The following NEK5 variants were observed in gnomAD, a reference collection of about 807,000 sequenced individuals.
NEK5 encodes serine/threonine-protein kinase Nek5.
A neutral mutation model predicts 109.2 loss-of-function variants in NEK5; 88 were observed. The ratio of observed to expected loss-of-function variants is 0.81; its 90% CI spans 0.68 to 0.96. The LOEUF (loss-of-function observed/expected upper bound fraction) is 0.96. NEK5 is among the 40% of genes least tolerant of loss of function. The probability of loss-of-function intolerance (pLI) is 0.00; values close to 1 mark genes in which losing one functional copy is unlikely to be tolerated. For synonymous variants in NEK5, 283 were observed against 299.9 expected (o/e 0.94, Z 0.58); for missense variants, 834 against 920.7 (o/e 0.91, Z 1.22).
At chr13:52,127,934 G>A (rs1041067287) in intron 1 of NEK5, among the ~76,000 whole-genome samples, 2 of 152,110 alleles carry the variant, frequency 1.3e-5, no homozygotes, top group Non-Finnish European at 1.5e-5. Context: ...CCCCCTAGGG[G>A]GAATTCTGGA....
chr13:52,048,226 T>C (rs1378798049), intron 23 of NEK5, among the ~76,000 whole-genome samples: 1 of 152,202 alleles, frequency 6.6e-6, no homozygotes, highest in Non-Finnish European at 1.5e-5. Flanking sequence ...TCATATGTAT[T>C]GAAACATCAC....
At position 52,063,414 on chromosome 13, in the gene NEK5, G is replaced by C. The variant is rs983830333; in HGVS notation, c.1976-1461C>G. Reference sequence around the variant, plus strand: ...GGCTGGAGTGCAGTGGCGTGATCGCGGCTCGCTACAACCTCCACCTCCCAG... The same window carrying C: ...GGCTGGAGTGCAGTGGCGTGATCGCCGCTCGCTACAACCTCCACCTCCCAG... On this transcript the variant is annotated intron_variant, in intron 21 of 23. Transcript: ENST00000684899. Among the ~76,000 whole-genome samples, 9 of 152,160 alleles carry C rather than the reference G, an allele frequency of 5.9e-5. No individual in the cohort carries two copies. In the South Asian group the frequency reaches 1.0e-3, roughly 18 times the overall value.
chr13:52,095,402 A>T (rs1955385798), intron 12 of NEK5, among the ~76,000 whole-genome samples: 1 of 152,236 alleles, frequency 6.6e-6, no homozygotes, highest in East Asian at 1.9e-4. Flanking sequence ...TAACATCCCA[A>T]CAGTAATAGG....
chr13:52,054,680 C>G (rs1311284188), intron 22 of NEK5, among the ~76,000 whole-genome samples: 1 of 152,026 alleles, frequency 6.6e-6, no homozygotes, highest in Non-Finnish European at 1.5e-5. Flanking sequence ...CACCCCCCAG[C>G]AGGGGCAGAC....
At chr13:52,091,993 G>A (rs1285177509) in intron 13 of NEK5, among the ~76,000 whole-genome samples, 1 of 152,052 alleles carries the variant, frequency 6.6e-6, no homozygotes, top group Non-Finnish European at 1.5e-5. Context: ...TAACCTCTTT[G>A]AGAAATGAAA....
rs151195749 is a variant in NEK5 at position 52,087,417 on chromosome 13, T to C, written c.1313A>G (p.Gln438Arg). 1.7e-5 allele frequency: 28 copies of C among 1,611,318 alleles called. No homozygotes were observed. Among genetic ancestry groups the C allele is most frequent in the Non-Finnish European group, 2.1e-5 (25 of 1,178,022 alleles). The change falls in exon 15 of 24, where the codon CAG becomes CGG. Residue 438 changes from glutamine to arginine, a missense_variant. Gln to Arg is a conservative substitution (Grantham distance 43). Transcript: ENST00000684899. Reference protein sequence around the residue: ...RPSSAEPNYNQRQELRSNGEE... With the variant: ...RPSSAEPNYNRRQELRSNGEE... ...TCCATTACTTCTTAGCTCTTGTCTC[T>C]GGTTGTAATTTGGCTCGGCAGAAGA...
chr13:52,048,644 T>C lies in NEK5; in HGVS notation c.2228+1460A>G, dbSNP rs1954478360. On this transcript the variant is annotated intron_variant, in intron 23 of 23. Coordinates refer to ENST00000684899, the MANE Select transcript of NEK5 (RefSeq NM_001365552.1). ...TACAGGATGGAATACTATTCAGCTA[T>C]TAAAAAGAAGGAAATTCTGGCATTT... Among the ~76,000 whole-genome samples, 4 of 152,286 alleles carry C rather than the reference T, an allele frequency of 2.6e-5. No homozygotes were observed. In the South Asian group the frequency reaches 8.3e-4, roughly 32 times the overall value.
chr13:52,108,941 T>G (rs138177645), intron 7 of NEK5, among the ~76,000 whole-genome samples: 1,899 of 152,354 alleles, frequency 0.012, 41 homozygotes, highest in African/African-American at 0.044. Context: ...CATAAATGTT[T>G]ATGATATATT....
Position 52,127,641 on chromosome 13 carries a change from CTT to C in NEK5, c.-71_-70del. On this transcript the variant is annotated 5_prime_UTR_variant, in exon 2 of 24. Transcript: ENST00000684899. Reference sequence around the variant, plus strand: ...GCCTTGCCAAGACAGAGACAAATAACTTTCTTTGTGGCCACAGATAACTGAAA... The same window carrying C: ...GCCTTGCCAAGACAGAGACAAATAACTCTTTGTGGCCACAGATAACTGAAA... 1 of 581,420 alleles carries C rather than the reference CTT, an allele frequency of 1.7e-6. No individual in the cohort carries two copies. The highest frequency in any genetic ancestry group is 3.1e-6 in the Non-Finnish European group (1 of 327,118). The allele number at this position is 581,420 out of a possible 1,614,324, so 36.0% of individuals were successfully genotyped here.
chr13:52,127,084 T>C (rs914328050), intron 3 of NEK5, among the ~76,000 whole-genome samples: 3 of 152,158 alleles, frequency 2.0e-5, no homozygotes, highest in Non-Finnish European at 4.4e-5. Flanking sequence ...AGGGTCTTGC[T>C]ATGTTGCCCA....
chr13:52,109,777 GT>G (rs1246176051), intron 7 of NEK5, among the ~76,000 whole-genome samples: 1 of 152,090 alleles, frequency 6.6e-6, no homozygotes, highest in Non-Finnish European at 1.5e-5. Flanking sequence ...AATCAGAAAA[GT>G]TTTTAATCTA....
At chr13:52,067,557 G>A (rs1954709902) in intron 20 of NEK5, among the ~76,000 whole-genome samples, 1 of 152,128 alleles carries the variant, frequency 6.6e-6, no homozygotes, top group East Asian at 1.9e-4. Flanking sequence ...GGGCCCCAGT[G>A]AGCACATTCC....
At chr13:52,065,211 C>T in intron 21 of NEK5, 1 of 515,638 alleles carries the variant, frequency 1.9e-6, no homozygotes, top group Non-Finnish European at 3.5e-6. Flanking sequence ...GTCAGCTGTC[C>T]TTCCTCACGC....
At position 52,086,246 on chromosome 13, in the gene NEK5, A is replaced by G. The variant is rs1274653900; in HGVS notation, c.1479+31T>C. 5.3e-6 allele frequency: 7 copies of G among 1,323,832 alleles called. No homozygotes were observed. In the East Asian group the frequency reaches 1.6e-4, roughly 30 times the overall value. The allele number at this position is 1,323,832 out of a possible 1,614,324, so 82.0% of individuals were successfully genotyped here. On this transcript the variant is annotated intron_variant, in intron 16 of 23. Transcript: ENST00000684899. ...AATTTAGTTAGCTCTAAATCGATAG[A>G]ACAATGTTTCCCCTAGAAGAATGAA...
At chr13:52,079,280 A>G (rs1022640390) in intron 17 of NEK5, among the ~76,000 whole-genome samples, 20 of 79,678 alleles carry the variant, frequency 2.5e-4, no homozygotes, top group Non-Finnish European at 4.9e-4. Flanking sequence ...TTTAAAAAGT[A>G]ATCTGATCCC....
chr13:52,114,523 T>C (rs1955814487), intron 4 of NEK5, among the ~76,000 whole-genome samples: 1 of 152,236 alleles, frequency 6.6e-6, no homozygotes, highest in Admixed American at 6.5e-5. Flanking sequence ...CATTCAGTTA[T>C]TAACAAACTT....
At position 52,117,211 on chromosome 13, in the gene NEK5, G is replaced by A. The variant is rs560683971; in HGVS notation, c.214+2108C>T. On this transcript the variant is annotated intron_variant, in intron 4 of 23. Transcript: ENST00000684899. ...TGGGATTACAGGCATGAGCCACTGC[G>A]CCCGGCCAAAACATTCTATTTTCTA... is the stretch of plus-strand genomic sequence containing the variant. 8.5e-5 allele frequency among the ~76,000 whole-genome samples: 13 copies of A among 152,252 alleles called. No individual in the cohort carries two copies. In the East Asian group the frequency reaches 1.7e-3, roughly 20 times the overall value.
intron 20 of NEK5, 62 bp from the exon 21 acceptor site, chr13:52,065,671 A>G: frequency 8.0e-7 from 1 of 1,247,034 alleles, no homozygotes; most frequent in East Asian, 2.4e-5. Context: ...ATTGTCCCAA[A>G]CACTTCTTAG....
At chr13:52,080,302 G>A (rs1253620996) in intron 17 of NEK5, among the ~76,000 whole-genome samples, 62 of 148,736 alleles carry the variant, frequency 4.2e-4, no homozygotes, top group African/African-American at 1.5e-3. Context: ...CAGCCGCCTC[G>A]TCCGGGAGGT....
Sources: gnomAD v4.1 joint callset for allele counts (sites outside exome capture counted in the v4.1 genomes callset) on GRCh38, gnomAD v4.1.1 for gene constraint, MANE v1.5 for transcripts, NCBI Gene and HGNC (gene_info 2026-07-23, HGNC 2026-07-21) for gene names.